Variants in LINGO1 observed in about 807,000 individuals in gnomAD.
The protein encoded by LINGO1 is leucine-rich repeat and immunoglobulin-like domain-containing nogo receptor-interacting protein 1.
LINGO1 carries 11 observed loss-of-function variants against 37.3 expected under a neutral mutation model. That is an observed-to-expected ratio of 0.29 (90% CI 0.19 to 0.49). LINGO1 has a LOEUF of 0.49. Among genes scored for constraint, LINGO1 ranks in the 20% least tolerant of loss-of-function variants. LINGO1 has a pLI of 0.99. For missense variants in LINGO1, 585 were observed against 878.2 expected (o/e 0.67, Z 4.22); for synonymous variants, 387 against 403.0 (o/e 0.96, Z 0.48).
At chr15:77,617,132 G>A (rs2073753609) in intron 1 of LINGO1, among the ~76,000 whole-genome samples, 1 of 152,198 alleles carries the variant, frequency 6.6e-6, no homozygotes, top group African/African-American at 2.4e-5. Flanking sequence ...AACCGTGCCA[G>A]GAGCGGGGTC....
chr15:77,619,702 TAAATA>T (rs138166574), intron 1 of LINGO1, among the ~76,000 whole-genome samples: 21,676 of 146,982 alleles, frequency 0.15, 3,014 homozygotes, highest in African/African-American at 0.38. Flanking sequence ...AAACAATAAA[TAAATA>T]AAATAAAATA....
At chr15:77,737,366 CA>C (rs2076213199) in intron 1 of LINGO1, among the ~76,000 whole-genome samples, 1 of 151,358 alleles carries the variant, frequency 6.6e-6, no homozygotes, top group Non-Finnish European at 1.5e-5. Context: ...AGCCACAGAG[CA>C]GAGCAATTTG....
intron 1 of LINGO1, among the ~76,000 whole-genome samples, chr15:77,775,643 T>C (rs924635570): frequency 3.9e-5 from 6 of 152,264 alleles, no homozygotes; most frequent in African/African-American, 1.4e-4. Context: ...CTGCTTCCTA[T>C]CACACTCATT....
chr15:77,711,890 G>GC (rs1251546034), intron 2 of LINGO1, among the ~76,000 whole-genome samples: 1 of 151,908 alleles, frequency 6.6e-6, no homozygotes, highest in Non-Finnish European at 1.5e-5. Context: ...CTGAGGGGGG[G>GC]GCACACAGCG....
upstream of LINGO1, among the ~76,000 whole-genome samples, chr15:77,637,515 C>G (rs1187102807): frequency 6.6e-6 from 1 of 152,190 alleles, no homozygotes; most frequent in Non-Finnish European, 1.5e-5. This position sits in a 1 kb window ranked among gnomAD's most constrained non-coding sequence, Gnocchi z 4.6. Flanking sequence ...TCCTGAGTCT[C>G]AGTTTCCTCC....
intron 2 of LINGO1, among the ~76,000 whole-genome samples, chr15:77,708,869 G>C (rs955569747): frequency 2.6e-5 from 4 of 152,162 alleles, no homozygotes; most frequent in Admixed American, 2.6e-4. Flanking sequence ...AGCAGAGATC[G>C]TACCACTGCA....
chr15:77,673,059 C>A (rs2075277007), intron 3 of LINGO1, among the ~76,000 whole-genome samples: 1 of 152,220 alleles, frequency 6.6e-6, no homozygotes, highest in South Asian at 2.1e-4. Flanking sequence ...GAAACAACTG[C>A]AAGTCATTTG....
chr15:77,814,045 A>G (rs547907311), intron 1 of LINGO1, among the ~76,000 whole-genome samples: 1 of 152,032 alleles, frequency 6.6e-6, no homozygotes, highest in South Asian at 2.1e-4. Context: ...GATGAGAAAT[A>G]CAGCAGATGC....
chr15:77,781,435 T>C (rs1209834432), intron 1 of LINGO1, among the ~76,000 whole-genome samples: 1 of 152,234 alleles, frequency 6.6e-6, no homozygotes, highest in Non-Finnish European at 1.5e-5. Context: ...TATAAATAAA[T>C]ATACATTTTC....
chr15:77,625,560 T>C (rs2074062802), intron 1 of LINGO1, among the ~76,000 whole-genome samples: 1 of 152,178 alleles, frequency 6.6e-6, no homozygotes, highest in South Asian at 2.1e-4. Flanking sequence ...AACATAGCAT[T>C]GGCTATGTGC....
chr15:77,640,652 C>T (rs185812576), intron 3 of LINGO1, among the ~76,000 whole-genome samples: 37 of 152,218 alleles, frequency 2.4e-4, no homozygotes, highest in African/African-American at 7.7e-4. Context: ...GGGACATAGA[C>T]GGAGACCAGG....
At chr15:77,766,261 G>A (rs1441108620) in intron 1 of LINGO1, among the ~76,000 whole-genome samples, 5 of 128,958 alleles carry the variant, frequency 3.9e-5, no homozygotes, top group Non-Finnish European at 7.7e-5. Context: ...CTGCACCACT[G>A]CACTCTAGCC....
chr15:77,707,494 T>C (rs1366722843), intron 2 of LINGO1: 1 of 152,160 alleles, frequency 6.6e-6, no homozygotes, highest in African/African-American at 2.4e-5. Flanking sequence ...CAGCAAGAGA[T>C]GGAGCTTAAA....
chr15:77,624,511 G>A (rs1485520091), intron 1 of LINGO1, among the ~76,000 whole-genome samples: 2 of 152,182 alleles, frequency 1.3e-5, no homozygotes, highest in Admixed American at 6.5e-5. Context: ...CCAGCCTTCC[G>A]GCCAGCTCGC....
chr15:77,805,745 G>A lies in LINGO1; in HGVS notation c.-457-9692C>T, dbSNP rs192087228. Among the ~76,000 whole-genome samples, 890 of 152,266 alleles carry A rather than the reference G, an allele frequency of 5.8e-3. 4 individuals carry two copies. Among genetic ancestry groups the A allele is most frequent in the South Asian group, 0.013 (62 of 4,816 alleles). On this transcript the variant is annotated intron_variant, in intron 1 of 5. Coordinates refer to the LINGO1 transcript ENST00000562933. ...ATTTCCTCCATGCGTTTCCTGCCGG[G>A]CCCCTGTAGGCTCCAAGGGCCACAA...
At chr15:77,766,376 CA>C (rs71145860) in intron 1 of LINGO1, among the ~76,000 whole-genome samples, 9,541 of 102,608 alleles carry the variant, frequency 0.093, 398 homozygotes, top group Middle Eastern at 0.16. Flanking sequence ...AGAAGGAACT[CA>C]AAAAAAAAAA....
intron 1 of LINGO1, among the ~76,000 whole-genome samples, chr15:77,740,901 G>A (rs1001481394): frequency 3.9e-5 from 6 of 152,204 alleles, no homozygotes; most frequent in African/African-American, 9.7e-5. Flanking sequence ...TATGCGGCCC[G>A]GCAACAGTGG....
At chr15:77,802,917 G>A (rs755816912) in intron 1 of LINGO1, among the ~76,000 whole-genome samples, 7 of 152,120 alleles carry the variant, frequency 4.6e-5, no homozygotes, top group Non-Finnish European at 8.8e-5. Flanking sequence ...CAGACCCCCT[G>A]GGGCCCATCC....
chr15:77,654,381 T>C (rs983688559), intron 3 of LINGO1, among the ~76,000 whole-genome samples: 1 of 152,128 alleles, frequency 6.6e-6, no homozygotes, highest in East Asian at 1.9e-4. Context: ...GGAACCAGGG[T>C]AAGTGAGTGG....
Sources: gnomAD v4.1 joint callset for allele counts (sites outside exome capture counted in the v4.1 genomes callset) on GRCh38, gnomAD v4.1.1 for gene constraint, Gnocchi (gnomAD v3.1) non-coding constraint, MANE v1.5 for transcripts, NCBI Gene and HGNC (gene_info 2026-07-23, HGNC 2026-07-21) for gene names.